DNAJC3: variants seen among roughly 807,000 people sequenced by gnomAD.
DNAJC3 encodes dnaJ homolog subfamily C member 3.
DNAJC3 carries 38 observed loss-of-function variants against 68.6 expected under a neutral mutation model. That is an observed-to-expected ratio of 0.55 (90% CI 0.43 to 0.73). DNAJC3 has a LOEUF of 0.73. DNAJC3 is among the 30% of genes least tolerant of loss of function. DNAJC3 has a pLI of 0.00. For synonymous variants in DNAJC3, 203 were observed against 204.0 expected (o/e 1.00, Z 0.04); for missense variants, 526 against 591.9 (o/e 0.89, Z 1.16).
rs2139702590 is a variant in DNAJC3 at position 95,790,877 on chromosome 13, GAGAA to G, written c.1367_1370del (p.Lys456SerfsTer85). ...AATTTTCTGATTTCTTTCTAGAAAT[GAGAA>G]AGAAGTTTGACGACGGAGAAGATCC... On this transcript the variant is annotated frameshift_variant, in exon 12 of 12. Transcript: ENST00000602402. LOFTEE classifies it high-confidence loss of function. 5 of 1,600,588 alleles carry G rather than the reference GAGAA, an allele frequency of 3.1e-6. No individual in the cohort carries two copies. Among genetic ancestry groups the G allele is most frequent in the South Asian group, 1.1e-5 (1 of 89,698 alleles).
intron 3 of DNAJC3, 98 bp from the exon 4 acceptor site, chr13:95,725,080 T>G (rs1177622863): frequency 2.0e-5 from 15 of 736,394 alleles, no homozygotes; most frequent in Non-Finnish European, 2.8e-5. Context: ...AAATAAATAT[T>G]TATTAATAAT....
chr13:95,726,264 T>C (rs1478713204), intron 4 of DNAJC3, among the ~76,000 whole-genome samples: 1 of 152,248 alleles, frequency 6.6e-6, no homozygotes, highest in Non-Finnish European at 1.5e-5. Flanking sequence ...ACTTCCACAA[T>C]GGTTGAACTA....
chr13:95,752,013 A>C (rs1466188837), intron 4 of DNAJC3, among the ~76,000 whole-genome samples: 1 of 152,204 alleles, frequency 6.6e-6, no homozygotes, highest in East Asian at 1.9e-4. Context: ...GACACATGAG[A>C]ATTATGGGAG....
chr13:95,707,589 G>T (rs1345192897), intron 1 of DNAJC3, among the ~76,000 whole-genome samples: 1 of 152,128 alleles, frequency 6.6e-6, no homozygotes, highest in Non-Finnish European at 1.5e-5. Context: ...GCATCTCTGT[G>T]GGCCTGTCTC....
In DNAJC3 at chr13:95,792,310, T is replaced by C. The variant is rs1055896985; in HGVS notation, c.*1280T>C. The stretch of plus-strand genomic sequence containing the variant: ...CCCTAAAAAATGTTAATCAAGAATA[T>C]TGAATATTTATGGCACTCTTGATGC... On this transcript the variant is annotated 3_prime_UTR_variant, in exon 12 of 12. Transcript: ENST00000602402. The C allele has an allele frequency of 1.3e-5, 2 of 152,226 alleles. No homozygotes were observed. The highest frequency in any genetic ancestry group is 4.8e-5 in the African/African-American group (2 of 41,464). The allele number at this position is 152,226 out of a possible 1,614,324, so 9.4% of individuals were successfully genotyped here.
intron 9 of DNAJC3, among the ~76,000 whole-genome samples, chr13:95,765,910 T>C (rs2139680262): frequency 1.3e-5 from 2 of 152,100 alleles, no homozygotes; most frequent in Admixed American, 1.3e-4. Context: ...TTCTTTTCTA[T>C]AGGAATTTAT....
chr13:95,790,760 G>A (rs548826663), intron 11 of DNAJC3, 113 bp from the exon 12 acceptor site: 54 of 1,253,992 alleles, frequency 4.3e-5, no homozygotes, highest in Middle Eastern at 2.6e-4. Context: ...CTTGATAACC[G>A]AAAAGTAAGT....
intron 4 of DNAJC3, among the ~76,000 whole-genome samples, chr13:95,741,020 G>A (rs1020983503): frequency 6.6e-6 from 1 of 151,914 alleles, no homozygotes; most frequent in Non-Finnish European, 1.5e-5. Flanking sequence ...AGCTTATTTA[G>A]TGTCATTATA....
intron 9 of DNAJC3, among the ~76,000 whole-genome samples, chr13:95,780,562 C>T (rs17885095): frequency 0.015 from 2,277 of 152,300 alleles, 61 homozygotes; most frequent in African/African-American, 0.052. Flanking sequence ...TAGCACCTGT[C>T]AGCAGCCCTT....
intron 1 of DNAJC3, among the ~76,000 whole-genome samples, chr13:95,708,272 G>T (rs1880826715): frequency 6.6e-6 from 1 of 152,176 alleles, no homozygotes; most frequent in African/African-American, 2.4e-5. Context: ...GGCCTTTATT[G>T]CAGTGCAGGT....
chr13:95,742,173 C>T (rs1352686703), intron 4 of DNAJC3, among the ~76,000 whole-genome samples: 2 of 152,162 alleles, frequency 1.3e-5, no homozygotes, highest in African/African-American at 2.4e-5. Context: ...AAATGTGTAG[C>T]AATCCTTCTC....
intron 5 of DNAJC3, 150 bp from the exon 6 acceptor site, chr13:95,759,890 G>A: frequency 1.3e-6 from 1 of 751,152 alleles, no homozygotes; most frequent in Non-Finnish European, 1.9e-6. Flanking sequence ...AATTGTATCA[G>A]ATTTTAAAAT....
chr13:95,767,695 T>G (rs1299872470), intron 9 of DNAJC3, among the ~76,000 whole-genome samples: 1 of 150,554 alleles, frequency 6.6e-6, no homozygotes, highest in Admixed American at 6.6e-5. Context: ...TTTTGGGTTT[T>G]TTTTTTTTTT....
chr13:95,689,258 G>C (rs542333392), intron 1 of DNAJC3, among the ~76,000 whole-genome samples: 1 of 150,430 alleles, frequency 6.6e-6, no homozygotes, highest in South Asian at 2.1e-4. Context: ...GATTTTGTCA[G>C]GACTAATTTG....
intron 4 of DNAJC3, among the ~76,000 whole-genome samples, chr13:95,738,379 G>C (rs1223994952): frequency 6.7e-6 from 1 of 149,552 alleles, no homozygotes; most frequent in Admixed American, 6.7e-5. Context: ...GGGTATCCTT[G>C]TTGACTTTCT....
intron 5 of DNAJC3, among the ~76,000 whole-genome samples, chr13:95,758,269 T>C (rs903734274): frequency 2.0e-5 from 3 of 152,036 alleles, no homozygotes; most frequent in Non-Finnish European, 2.9e-5. Context: ...CCCAAGAATT[T>C]GTCGCTGCAG....
chr13:95,740,642 G>GT, intron 4 of DNAJC3, among the ~76,000 whole-genome samples: 1 of 152,302 alleles, frequency 6.6e-6, no homozygotes, highest in Middle Eastern at 3.4e-3. Context: ...CACTTCCCAA[G>GT]TGAGGCAATG....
chr13:95,677,327 G>A lies in DNAJC3; in HGVS notation c.72G>A (p.Leu24=). The A allele has an allele frequency of 3.1e-6, 5 of 1,598,668 alleles. No homozygotes were observed. Among genetic ancestry groups the A allele is most frequent in the Non-Finnish European group, 4.3e-6 (5 of 1,174,020 alleles). The change falls in exon 1 of 12, where the codon CTG becomes CTA. Residue 24 remains leucine, a synonymous_variant. Coordinates refer to ENST00000602402, the MANE Select transcript of DNAJC3 (RefSeq NM_006260.5). ...VFPFLLVLVD[L]QYEGAECGVN... ...CCTTCCTGCTAGTCCTGGTGGATCTGCAGTACGAAGGTGAGTCCTGCCCTG... is the reference window on the plus strand; with the variant it reads ...CCTTCCTGCTAGTCCTGGTGGATCTACAGTACGAAGGTGAGTCCTGCCCTG...
At chr13:95,719,750 C>T (rs557376406) in intron 2 of DNAJC3, among the ~76,000 whole-genome samples, 44 of 152,248 alleles carry the variant, frequency 2.9e-4, no homozygotes, top group African/African-American at 1.1e-3. Flanking sequence ...TGCCTAAAAA[C>T]TGAACAGTAG....
Sources: allele counts gnomAD v4.1 joint callset (sites outside exome capture counted in the v4.1 genomes callset), GRCh38; gene constraint gnomAD v4.1.1; transcripts MANE v1.5; gene names NCBI Gene and HGNC (gene_info 2026-07-23, HGNC 2026-07-21).